SCMH1: variants seen among roughly 807,000 people sequenced by gnomAD.
SCMH1 encodes polycomb protein SCMH1.
Under a neutral mutation model 70.8 loss-of-function variants are expected in SCMH1, and 37 were observed. That is an observed-to-expected ratio of 0.52 (90% CI 0.40 to 0.69). The LOEUF (loss-of-function observed/expected upper bound fraction) is 0.69, where lower values mean the gene tolerates loss of function less well. SCMH1 is among the 30% of genes least tolerant of loss of function. The pLI is 0.00. For missense variants in SCMH1, 607 were observed against 827.3 expected (o/e 0.73, Z 3.27); for synonymous variants, 292 against 307.4 (o/e 0.95, Z 0.52).
chr1:41,185,975 A>C, intron 2 of SCMH1, 146 bp downstream of exon 2: 1 of 776,842 alleles, frequency 1.3e-6, no homozygotes, highest in Non-Finnish European at 1.9e-6. Context: ...AATCTGGAAA[A>C]TTCATGCCAA....
rs1461042360 is a variant in SCMH1 at position 41,039,874 on chromosome 1, C to T, written c.1499-2333G>A. Among the ~76,000 whole-genome samples the T allele has an allele frequency of 4.6e-5, 7 of 151,932 alleles. No individual in the cohort carries two copies. The East Asian group carries it at 1.4e-3, about 29-fold the overall frequency. On this transcript the variant is annotated intron_variant, in intron 12 of 14. Transcript: ENST00000337495. ...TTATGGGCCTCATCCAAGCTTCTAT[C>T]AAAACTACTCTGGTTTTAATTTTTA...
intron 8 of SCMH1, among the ~76,000 whole-genome samples, chr1:41,086,064 C>G (rs997648317): frequency 6.6e-6 from 1 of 152,124 alleles, no homozygotes; most frequent in African/African-American, 2.4e-5. Flanking sequence ...TGGTCTCGAT[C>G]TCCTGACCTT....
intron 10 of SCMH1, among the ~76,000 whole-genome samples, chr1:41,070,138 TACCC>T (rs991440023): frequency 9.2e-5 from 14 of 152,170 alleles, no homozygotes; most frequent in Non-Finnish European, 4.4e-5. Context: ...CCAGGATGAT[TACCC>T]ACCCATTTCA....
exon 14 of SCMH1, chr1:41,028,609 G>C: frequency 6.2e-7 from 1 of 1,614,140 alleles, no homozygotes; most frequent in South Asian, 1.1e-5. Context: ...GTCAGCGTGG[G>C]GTCCAAGCTG....
intron 10 of SCMH1, among the ~76,000 whole-genome samples, chr1:41,056,164 CT>C (rs1351540195): frequency 2.0e-5 from 3 of 152,160 alleles, no homozygotes; most frequent in Non-Finnish European, 2.9e-5. Context: ...GTAGCTTTCA[CT>C]TCCTATCTCT....
intron 10 of SCMH1, among the ~76,000 whole-genome samples, chr1:41,055,063 G>A (rs1034792892): frequency 6.6e-6 from 1 of 152,100 alleles, no homozygotes; most frequent in African/African-American, 2.4e-5. Flanking sequence ...CATTATGGGG[G>A]CGAGCCACTG....
intron 2 of SCMH1, among the ~76,000 whole-genome samples, chr1:41,164,212 C>T (rs1646259970): frequency 6.6e-6 from 1 of 152,156 alleles, no homozygotes; most frequent in African/African-American, 2.4e-5. Context: ...TCAACCTATA[C>T]TGTGCCTACC....
At chr1:41,197,951 G>A (rs970553674) in intron 1 of SCMH1, among the ~76,000 whole-genome samples, 4 of 152,072 alleles carry the variant, frequency 2.6e-5, no homozygotes, top group African/African-American at 9.7e-5. Context: ...TCTATACATA[G>A]CATGCAGTAC....
intron 2 of SCMH1, among the ~76,000 whole-genome samples, chr1:41,164,555 T>C (rs958934797): frequency 6.6e-6 from 1 of 152,162 alleles, no homozygotes; most frequent in Non-Finnish European, 1.5e-5. Flanking sequence ...AGTAGTATAG[T>C]AACAGGCGCT....
chr1:41,197,672 G>A (rs1199732172), intron 1 of SCMH1, among the ~76,000 whole-genome samples: 1 of 151,320 alleles, frequency 6.6e-6, no homozygotes. Context: ...TAAACTTTAA[G>A]TTTATGTATA....
chr1:41,082,911 A>T (rs1660462043), intron 8 of SCMH1, among the ~76,000 whole-genome samples: 1 of 152,234 alleles, frequency 6.6e-6, no homozygotes, highest in Non-Finnish European at 1.5e-5. Flanking sequence ...AAGGCCTTTG[A>T]CAAAATTCAA....
intron 1 of SCMH1, among the ~76,000 whole-genome samples, chr1:41,229,995 G>A (rs1660999221): frequency 6.6e-6 from 1 of 152,178 alleles, no homozygotes; most frequent in South Asian, 2.1e-4. Context: ...ACATCTTCAA[G>A]AAATGAAATG....
intron 1 of SCMH1, among the ~76,000 whole-genome samples, chr1:41,198,917 C>A (rs1653661086): frequency 6.6e-6 from 1 of 152,066 alleles, no homozygotes; most frequent in African/African-American, 2.4e-5. Flanking sequence ...TTTCACCTTG[C>A]CTGACTGACC....
chr1:41,148,821 C>T (rs1339752007), intron 5 of SCMH1, among the ~76,000 whole-genome samples: 4 of 152,072 alleles, frequency 2.6e-5, no homozygotes, highest in East Asian at 1.9e-4. Context: ...GACACAGTCT[C>T]GCTCTGTCGC....
chr1:41,171,646 A>G (rs1220404816), intron 2 of SCMH1, among the ~76,000 whole-genome samples: 1 of 152,188 alleles, frequency 6.6e-6, no homozygotes, highest in African/African-American at 2.4e-5. Context: ...AAATTAGACC[A>G]TAAGTAAATC....
chr1:41,115,922 GATCT>G (rs1420394503), intron 7 of SCMH1, among the ~76,000 whole-genome samples: 1 of 152,064 alleles, frequency 6.6e-6, no homozygotes, highest in Non-Finnish European at 1.5e-5. Flanking sequence ...TTAAAAATCT[GATCT>G]ATGTATGATT....
intron 8 of SCMH1, among the ~76,000 whole-genome samples, chr1:41,083,369 T>A (rs538784030): frequency 1.2e-4 from 19 of 152,242 alleles, no homozygotes; most frequent in African/African-American, 2.6e-4. Flanking sequence ...TGAACTCCCA[T>A]TCACAATTGC....
intron 13 of SCMH1, 42 bp from the exon 14 acceptor site, chr1:41,034,090 CAT>C (rs1391365617): frequency 7.0e-6 from 11 of 1,573,066 alleles, no homozygotes; most frequent in Non-Finnish European, 8.6e-6. Context: ...CCAGTTTGCA[CAT>C]GAGGAACATT....
At chr1:41,052,882 G>A (rs904732791) in intron 10 of SCMH1, among the ~76,000 whole-genome samples, 3 of 149,316 alleles carry the variant, frequency 2.0e-5, no homozygotes, top group African/African-American at 7.4e-5. Context: ...TGGAGTTGTA[G>A]TCACATGGGT....
Sources: gnomAD v4.1 joint callset for allele counts (sites outside exome capture counted in the v4.1 genomes callset) on GRCh38, gnomAD v4.1.1 for gene constraint, MANE v1.5 for transcripts, NCBI Gene and HGNC (gene_info 2026-07-23, HGNC 2026-07-21) for gene names.